Variants in POMP observed in about 807,000 individuals in gnomAD.
POMP encodes 2510048O06Rik.
In POMP, 12 loss-of-function variants were observed where a neutral mutation model predicts 20.6. The ratio of observed to expected loss-of-function variants is 0.58; its 90% CI spans 0.37 to 0.94. The LOEUF (loss-of-function observed/expected upper bound fraction) is 0.94, where lower values mean the gene tolerates loss of function less well. POMP is among the 40% of genes least tolerant of loss of function. The pLI is 0.01. For missense variants in POMP, 136 were observed against 161.1 expected (o/e 0.84, Z 0.84); for synonymous variants, 53 against 55.0 (o/e 0.96, Z 0.16).
chr13:28,659,840 A>AAG (rs1241345472), intron 1 of POMP: 2 of 152,696 alleles, frequency 1.3e-5, no homozygotes, highest in African/African-American at 4.8e-5. Context: ...TTTGAGAAGA[A>AAG]CACTGAGTCA....
At chr13:28,666,330 G>T (rs1884444611) in intron 3 of POMP, among the ~76,000 whole-genome samples, 1 of 152,204 alleles carries the variant, frequency 6.6e-6, no homozygotes. Context: ...TTGTTAATAA[G>T]ATGGGGCTCA....
intron 1 of POMP, among the ~76,000 whole-genome samples, chr13:28,659,436 C>T (rs755212932): frequency 9.8e-5 from 15 of 152,314 alleles, no homozygotes; most frequent in Middle Eastern, 6.8e-3. Flanking sequence ...CGGTTTGCGC[C>T]CTTCCATCCC....
chr13:28,675,245 A>G (rs113342554), intron 5 of POMP, among the ~76,000 whole-genome samples: 1,635 of 151,726 alleles, frequency 0.011, 21 homozygotes, highest in African/African-American at 0.038. Flanking sequence ...GGTTCAAGCA[A>G]TTCTCCTGCC....
intron 1 of POMP, 86 bp downstream of exon 1, chr13:28,659,273 C>T: frequency 1.3e-6 from 2 of 1,541,644 alleles, no homozygotes; most frequent in Non-Finnish European, 1.7e-6. Context: ...CCAACCCGTC[C>T]CCGGTGGCGG....
At chr13:28,670,711 T>C (rs549588040) in intron 4 of POMP, among the ~76,000 whole-genome samples, 8 of 152,360 alleles carry the variant, frequency 5.3e-5, no homozygotes, top group African/African-American at 1.9e-4. Context: ...CTCCTACTGG[T>C]GCAGATTCCT....
chr13:28,678,333 G>A lies in POMP; in HGVS notation c.*231G>A, dbSNP rs1270532844. 2.0e-6 allele frequency: 1 copy of A among 489,794 alleles called. No homozygotes were observed. Among genetic ancestry groups the A allele is most frequent in the African/African-American group, 2.0e-5 (1 of 51,224 alleles). The allele number at this position is 489,794 out of a possible 1,614,324, so 30.3% of individuals were successfully genotyped here. ...AATTTATATTAAAACAGTAGCCTTT[G>A]TCTTTAAAAAAGTTGTTGCTCATGA... On this transcript the variant is annotated 3_prime_UTR_variant, in exon 6 of 6. Coordinates refer to ENST00000380842, the MANE Select transcript of POMP (RefSeq NM_015932.6).
intron 3 of POMP, among the ~76,000 whole-genome samples, chr13:28,667,225 A>T (rs1269960073): frequency 6.6e-6 from 1 of 152,172 alleles, no homozygotes; most frequent in Non-Finnish European, 1.5e-5. Context: ...TTGAGTTATT[A>T]TACATAAAAT....
chr13:28,670,852 G>C (rs999813212), intron 4 of POMP, among the ~76,000 whole-genome samples: 28 of 152,202 alleles, frequency 1.8e-4, no homozygotes, highest in African/African-American at 6.0e-4. Flanking sequence ...TTCGAGACTA[G>C]CCTGGCCAAC....
chr13:28,668,573 A>T lies in POMP; in HGVS notation c.263A>T (p.Gln88Leu), dbSNP rs768676539. The change falls in exon 4 of 6, where the codon CAG becomes CTG. Residue 88 changes from glutamine to leucine, a missense_variant and splice_region_variant. Coordinates refer to ENST00000380842, the MANE Select transcript of POMP (RefSeq NM_015932.6). The stretch of plus-strand genomic sequence containing the variant: ...CAGATGGAATTCAAGGCAGTGCAGC[A>T]GGTGAGTTGATGGATCTCTGTTGCA... ...KLQMEFKAVQ[Q>L]VQRLPFLSSS... 1 of 1,592,340 alleles carries T rather than the reference A, an allele frequency of 6.3e-7. No individual in the cohort carries two copies. Among genetic ancestry groups the T allele is most frequent in the East Asian group, 2.2e-5 (1 of 44,732 alleles).
rs1034434363 is a variant in POMP, at chr13:28,678,464, G to A, written c.*362G>A. Reference sequence around the variant, plus strand: ...AGCATTTGAGTCTATAAACTTTATAGTAGCATCTTTCAGAATAAACATTTT... The same window carrying A: ...AGCATTTGAGTCTATAAACTTTATAATAGCATCTTTCAGAATAAACATTTT... On this transcript the variant is annotated 3_prime_UTR_variant, in exon 6 of 6. Transcript: ENST00000380842. The A allele has an allele frequency of 4.3e-6, 1 of 234,282 alleles. No individual in the cohort carries two copies. Among genetic ancestry groups the A allele is most frequent in the African/African-American group, 2.3e-5 (1 of 43,064 alleles). The allele number at this position is 234,282 out of a possible 1,614,324, so 14.5% of individuals were successfully genotyped here.
intron 4 of POMP, 56 bp downstream of exon 4, chr13:28,668,630 T>G (rs531555043): frequency 7.4e-7 from 1 of 1,348,342 alleles, no homozygotes; most frequent in East Asian, 2.3e-5. Context: ...AGGAATCTTC[T>G]GTTTTCATAA....
intron 5 of POMP, among the ~76,000 whole-genome samples, chr13:28,676,568 T>G (rs1358271983): frequency 6.6e-6 from 1 of 152,226 alleles, no homozygotes; most frequent in African/African-American, 2.4e-5. Flanking sequence ...GATCACATTC[T>G]TATCACCTTT....
chr13:28,678,539 CAG>C lies in POMP; in HGVS notation c.*438_*439del. 1 of 184,288 alleles carries C rather than the reference CAG, an allele frequency of 5.4e-6. No individual in the cohort carries two copies. Among genetic ancestry groups the C allele is most frequent in the South Asian group, 1.0e-4 (1 of 9,820 alleles). The allele number at this position is 184,288 out of a possible 1,614,324, so 11.4% of individuals were successfully genotyped here. On this transcript the variant is annotated 3_prime_UTR_variant, in exon 6 of 6. Transcript: ENST00000380842. Reference sequence around the variant, plus strand: ...AAATTGATTACAATATGAGATATATCAGTGTCGTCCATTAACACTCATAAGAA... The same window carrying C: ...AAATTGATTACAATATGAGATATATCTGTCGTCCATTAACACTCATAAGAA...
At chr13:28,672,050 G>A (rs1884556814) in intron 4 of POMP, among the ~76,000 whole-genome samples, 1 of 152,158 alleles carries the variant, frequency 6.6e-6, no homozygotes, top group Non-Finnish European at 1.5e-5. Context: ...CTGGGATTTT[G>A]CATTTCATTA....
intron 3 of POMP, among the ~76,000 whole-genome samples, chr13:28,666,872 G>C (rs1050962089): frequency 1.3e-5 from 2 of 152,146 alleles, no homozygotes; most frequent in African/African-American, 4.8e-5. Context: ...CAAAGTCTGA[G>C]GACATTTTAG....
At chr13:28,669,300 CACTTT>C (rs1018926783) in intron 4 of POMP, among the ~76,000 whole-genome samples, 8 of 152,178 alleles carry the variant, frequency 5.3e-5, no homozygotes, top group African/African-American at 1.4e-4. Context: ...TTTTTACCTT[CACTTT>C]ACTTCATCTC....
rs143612256 is a variant in POMP at position 28,672,408 on chromosome 13, A to G, written c.334A>G (p.Ile112Val). The G allele has an allele frequency of 1.9e-5, 31 of 1,603,120 alleles. No homozygotes were observed. The highest frequency in any genetic ancestry group is 2.4e-5 in the Non-Finnish European group (28 of 1,170,218). Residue 112 changes from isoleucine to valine, a missense_variant, in exon 5 of 6, where the codon ATT becomes GTT. By Grantham distance (29) the Ile-to-Val change is conservative. Coordinates refer to ENST00000380842, the MANE Select transcript of POMP (RefSeq NM_015932.6). ...LDVLRGNDET[I>V]GFEDILNDPS... ...TGTTTTGAGGGGTAATGATGAGACT[A>G]TTGGATTTGAGGATATTCTTAATGG... is the stretch of plus-strand genomic sequence containing the variant.
chr13:28,672,486 A>T, intron 5 of POMP, 54 bp downstream of exon 5: 1 of 1,362,562 alleles, frequency 7.3e-7, no homozygotes, highest in Non-Finnish European at 1.1e-6. Flanking sequence ...AAAGGCAAAC[A>T]GCTGCAAAAA....
Position 28,678,326 on chromosome 13 carries a change from A to G in POMP, c.*224A>G. 2.0e-6 allele frequency: 1 copy of G among 512,686 alleles called. No homozygotes were observed. The highest frequency in any genetic ancestry group is 3.5e-6 in the Non-Finnish European group (1 of 286,404). 31.8% of individuals were successfully genotyped at this position (512,686 alleles called of 1,614,324 possible). On this transcript the variant is annotated 3_prime_UTR_variant, in exon 6 of 6. Transcript: ENST00000380842. The stretch of plus-strand genomic sequence containing the variant: ...AGCTCTTAATTTATATTAAAACAGT[A>G]GCCTTTGTCTTTAAAAAAGTTGTTG...
Sources: allele counts gnomAD v4.1 joint callset (sites outside exome capture counted in the v4.1 genomes callset), GRCh38; gene constraint gnomAD v4.1.1; transcripts MANE v1.5; gene names NCBI Gene and HGNC (gene_info 2026-07-23, HGNC 2026-07-21).